Variants in SRBD1 observed in about 807,000 individuals in gnomAD.
SRBD1 encodes the protein S1 RNA-binding domain-containing protein 1.
In SRBD1, 88 loss-of-function variants were observed where a neutral mutation model predicts 115.3. The ratio of observed to expected loss-of-function variants is 0.76; its 90% CI spans 0.64 to 0.91. The LOEUF is 0.91. SRBD1 is among the 40% of genes least tolerant of loss of function. SRBD1 has a pLI of 0.00. For synonymous variants in SRBD1, 509 were observed against 407.7 expected, an observed-to-expected ratio of 1.25 and a Z score of -2.99; for missense variants, 1,385 against 1,177.4, an observed-to-expected ratio of 1.18 and a Z score of -2.58.
chr2:45,407,958 C>G (rs764233015), intron 19 of SRBD1, among the ~76,000 whole-genome samples: 10 of 152,008 alleles, frequency 6.6e-5, no homozygotes, highest in African/African-American at 2.4e-4. Flanking sequence ...ATATCATAAT[C>G]TCAATTTTCC....
intron 11 of SRBD1, among the ~76,000 whole-genome samples, chr2:45,551,521 T>C (rs1213687153): frequency 6.6e-6 from 1 of 152,188 alleles, no homozygotes; most frequent in Non-Finnish European, 1.5e-5. Context: ...TACCTCTCTA[T>C]CTGCTCTCTA....
intron 3 of SRBD1, 100 bp from the exon 4 acceptor site, chr2:45,599,935 C>A: frequency 3.8e-6 from 5 of 1,322,154 alleles, no homozygotes; most frequent in Non-Finnish European, 4.0e-6. Context: ...TTGATACACA[C>A]AATAACTTGG....
chr2:45,393,228 T>A, intron 19 of SRBD1, 99 bp from the exon 20 acceptor site: 1 of 1,206,306 alleles, frequency 8.3e-7, no homozygotes, highest in Non-Finnish European at 1.1e-6. Context: ...CTTAGACCCA[T>A]AGGTCAATCA....
At chr2:45,420,399 A>C (rs368578066) in intron 16 of SRBD1, among the ~76,000 whole-genome samples, 68 of 152,328 alleles carry the variant, frequency 4.5e-4, no homozygotes, top group Middle Eastern at 3.4e-3. Flanking sequence ...TAAGACAGTA[A>C]ATCAAACTCG....
chr2:45,601,970 G>A lies in SRBD1; in HGVS notation c.194C>T (p.Pro65Leu), dbSNP rs771813998. 6 of 1,614,062 alleles carry A rather than the reference G, an allele frequency of 3.7e-6. No individual in the cohort carries two copies. In the Admixed American group the frequency reaches 5.0e-5, roughly 13 times the overall value. ...CTGTGGGGCATTCTTCTTCACCCGA[G>A]GCATCCTCTTTGGTTTGGATTCCTT... ...PPKESKPKRM[P>L]RVKKNAPQIS... Residue 65 changes from proline (P) to leucine (L), a missense_variant, in exon 3 of 21, where the codon CCT (proline) becomes CTT (leucine). Transcript: ENST00000263736.
chr2:45,601,191 A>G (rs1031307274), intron 3 of SRBD1, among the ~76,000 whole-genome samples: 1 of 152,232 alleles, frequency 6.6e-6, no homozygotes, highest in African/African-American at 2.4e-5. Context: ...CCTAGACCAC[A>G]GTGGACATTC....
intron 9 of SRBD1, among the ~76,000 whole-genome samples, chr2:45,570,710 T>C (rs570215023): frequency 6.6e-6 from 1 of 152,304 alleles, no homozygotes; most frequent in Admixed American, 6.5e-5. Context: ...AGCTCAGCAG[T>C]GGCCTCTGAA....
chr2:45,589,875 A>T (rs924529917), intron 4 of SRBD1, among the ~76,000 whole-genome samples: 1 of 152,252 alleles, frequency 6.6e-6, no homozygotes, highest in Non-Finnish European at 1.5e-5. Flanking sequence ...AGGAGCTAAC[A>T]AGCTAACAAA....
intron 16 of SRBD1, among the ~76,000 whole-genome samples, chr2:45,465,019 ACACAC>A (rs1669439397): frequency 7.3e-6 from 1 of 136,290 alleles, no homozygotes; most frequent in Non-Finnish European, 1.6e-5. Flanking sequence ...ACACACACAC[ACACAC>A]ACACACACAC....
chr2:45,456,680 G>A (rs1197266481), intron 16 of SRBD1, among the ~76,000 whole-genome samples: 5 of 151,718 alleles, frequency 3.3e-5, no homozygotes, highest in Non-Finnish European at 2.9e-5. Context: ...ATTTTAATTT[G>A]TTTTCATTTA....
At chr2:45,520,722 T>A (rs1671256652) in intron 14 of SRBD1, among the ~76,000 whole-genome samples, 1 of 152,130 alleles carries the variant, frequency 6.6e-6, no homozygotes, top group South Asian at 2.1e-4. Context: ...TGAGTTTGGC[T>A]GGGGGTGGTC....
intron 4 of SRBD1, among the ~76,000 whole-genome samples, chr2:45,597,242 A>C (rs1023955006): frequency 6.6e-5 from 10 of 152,134 alleles, no homozygotes; most frequent in Admixed American, 1.3e-4. Context: ...AACATGGTGA[A>C]ACCGTGTCTC....
rs527629619 is a variant in SRBD1 at position 45,418,377 on chromosome 2, C to T, written c.2321G>A (p.Arg774Gln). ...TACTTATACTCACCTGCAAAACGTT[C>T]GGATATAATCCTGGTTGATTCTGAT... ...GFIRINQDYI[R>Q]TFCSQQTETS... is the part of the protein sequence containing the mutation. The change falls in exon 18 of 21, where the codon CGA (arginine) becomes CAA (glutamine). Residue 774 changes from arginine to glutamine, a missense_variant. Physicochemically the swap from Arg to Gln is conservative, Grantham distance 43. Transcript: ENST00000263736. 6.2e-7 allele frequency: 1 copy of T among 1,612,996 alleles called. No individual in the cohort carries two copies. The highest frequency in any genetic ancestry group is 8.5e-7 in the Non-Finnish European group (1 of 1,179,612).
intron 16 of SRBD1, chr2:45,447,375 G>C (rs1420194253): frequency 6.6e-6 from 1 of 152,256 alleles, no homozygotes; most frequent in Non-Finnish European, 1.5e-5. Flanking sequence ...TGAACTCAGG[G>C]AAGCAGAGGT....
At chr2:45,434,215 A>C (rs1668421948) in intron 16 of SRBD1, among the ~76,000 whole-genome samples, 1 of 152,206 alleles carries the variant, frequency 6.6e-6, no homozygotes, top group Non-Finnish European at 1.5e-5. Context: ...TCTGCACAAG[A>C]CAAATGTAAA....
chr2:45,579,914 C>G lies in SRBD1; in HGVS notation c.1033G>C (p.Glu345Gln). Residue 345 changes from glutamate to glutamine, a missense_variant, in exon 7 of 21, where the codon GAG (glutamate) becomes CAG (glutamine). Glu to Gln is a conservative substitution (Grantham distance 29). Coordinates refer to ENST00000263736, the MANE Select transcript of SRBD1 (RefSeq NM_018079.5). ...CTAATGTACGATAGCAGACTGAGCT[C>G]CCCTGGTTTCTCAAGCAGTGCCCTG... ...AARALLEKPGELSLLSYIRPD... is the reference protein window; with the variant it reads ...AARALLEKPGQLSLLSYIRPD... 6.2e-7 allele frequency: 1 copy of G among 1,610,188 alleles called. No individual in the cohort carries two copies. The highest frequency in any genetic ancestry group is 8.5e-7 in the Non-Finnish European group (1 of 1,178,264).
intron 16 of SRBD1, among the ~76,000 whole-genome samples, chr2:45,461,506 C>G (rs1669316307): frequency 6.6e-6 from 1 of 152,118 alleles, no homozygotes; most frequent in Non-Finnish European, 1.5e-5. Flanking sequence ...TATGAGTATA[C>G]AACAAGTGCT....
At chr2:45,455,835 T>G (rs1177627747) in intron 16 of SRBD1, among the ~76,000 whole-genome samples, 1 of 151,906 alleles carries the variant, frequency 6.6e-6, no homozygotes, top group East Asian at 1.9e-4. Context: ...CAGCAAATTT[T>G]CTTTCCAAAA....
chr2:45,405,119 C>A (rs1356523265), intron 19 of SRBD1, among the ~76,000 whole-genome samples: 3 of 152,174 alleles, frequency 2.0e-5, no homozygotes, highest in Admixed American at 1.3e-4. Context: ...AACATTTTAT[C>A]ACACTGTATA....
Sources: allele counts gnomAD v4.1 joint callset (sites outside exome capture counted in the v4.1 genomes callset), GRCh38; gene constraint gnomAD v4.1.1; transcripts MANE v1.5; gene names NCBI Gene and HGNC (gene_info 2026-07-23, HGNC 2026-07-21).